ACSS1: variants seen among roughly 807,000 people sequenced by gnomAD.
ACSS1 encodes acetyl-coenzyme A synthetase 2-like, mitochondrial.
A neutral mutation model predicts 75.3 loss-of-function variants in ACSS1; 42 were observed. The observed-to-expected ratio is 0.56, with a 90% CI of 0.44 to 0.72. The LOEUF is 0.72. Among genes scored for constraint, ACSS1 ranks in the 30% least tolerant of loss-of-function variants. The pLI is 0.00. For missense variants in ACSS1, 782 were observed against 935.7 expected, an observed-to-expected ratio of 0.84 and a Z score of 2.14; for synonymous variants, 380 against 376.8, an observed-to-expected ratio of 1.01 and a Z score of -0.10.
intron 2 of ACSS1, among the ~76,000 whole-genome samples, chr20:25,036,489 C>T (rs940947509): frequency 2.2e-5 from 3 of 134,652 alleles, no homozygotes; most frequent in African/African-American, 8.4e-5. Context: ...CAGCTGGAAA[C>T]AGAGTTCAGA....
At chr20:25,016,329 T>A (rs1490846271) in intron 7 of ACSS1, among the ~76,000 whole-genome samples, 1 of 152,220 alleles carries the variant, frequency 6.6e-6, no homozygotes, top group Non-Finnish European at 1.5e-5. Context: ...GTAGCACTTA[T>A]ACACGTAAAC....
chr20:25,023,831 C>T (rs1049043241), intron 3 of ACSS1, among the ~76,000 whole-genome samples, 190 bp from the exon 4 acceptor site: 7 of 152,168 alleles, frequency 4.6e-5, no homozygotes, highest in African/African-American at 1.7e-4. Flanking sequence ...AGCACCAGGC[C>T]TTTGTCCAGT....
At chr20:25,047,438 T>C (rs750861135) in intron 2 of ACSS1, among the ~76,000 whole-genome samples, 4 of 152,214 alleles carry the variant, frequency 2.6e-5, no homozygotes, top group African/African-American at 7.2e-5. Context: ...CACTCTGCCA[T>C]GTGCTTGGGG....
rs1020684724 is a variant in ACSS1 at position 25,057,892 on chromosome 20, C to A, written c.211G>T (p.Ala71Ser). Residue 71 changes from alanine to serine, a missense_variant, in exon 1 of 14, where the codon GCC (alanine) becomes TCC (serine). Ala to Ser is a moderately conservative substitution (Grantham distance 99). Around this residue, in one of 2 missense-constraint regions of ACSS1, gnomAD observed 377 missense variants for 383.1 expected, o/e 0.98. Transcript: ENST00000323482. The stretch of plus-strand genomic sequence containing the variant: ...TCCCGCGCCAGAGGCCCCCAGAAGG[C>A]GGCCGGCTCCCGGGCTGCCTGTGCA... ...LSAQAAREPAAFWGPLARDTL... is the reference protein window; with the variant it reads ...LSAQAAREPASFWGPLARDTL... 5.0e-6 allele frequency: 8 copies of A among 1,612,264 alleles called. No individual in the cohort carries two copies. In the Admixed American group the frequency reaches 5.0e-5, roughly 10 times the overall value.
rs199681286 is a variant in ACSS1, at chr20:25,020,065, G to A, written c.1191C>T (p.Tyr397=). 5.6e-6 allele frequency: 9 copies of A among 1,614,200 alleles called. No homozygotes were observed. The highest frequency in any genetic ancestry group is 1.7e-5 in the Admixed American group (1 of 60,034). Residue 397 remains tyrosine (Y), a synonymous_variant, in exon 7 of 14, where the codon TAC becomes TAT. Coordinates refer to ENST00000323482, the MANE Select transcript of ACSS1 (RefSeq NM_032501.4). ...APTAVRLLLK[Y]GDAWVKKYDR... is the part of the protein sequence containing the mutation. The stretch of plus-strand genomic sequence containing the variant: ...CATACTTCTTCACCCAGGCATCACC[G>A]TATTTCAGCAACAGCCGGACAGCCG...
rs117623294 is a variant in ACSS1 at position 25,016,741 on chromosome 20, G to A, written c.1247-1511C>T. On this transcript the variant is annotated intron_variant, in intron 7 of 13. Transcript: ENST00000323482. ...ACTGCGACAGCCTGCACCCAGCCAC[G>A]GGGCTGTGACCACACAAGCCAGGGT... is the stretch of plus-strand genomic sequence containing the variant. Among the ~76,000 whole-genome samples the A allele has an allele frequency of 4.6e-3, 693 of 152,136 alleles. 22 individuals carry two copies. In the East Asian group the frequency reaches 0.063, roughly 14 times the overall value.
At chr20:25,018,530 A>C (rs1301965314) in intron 7 of ACSS1, among the ~76,000 whole-genome samples, 1 of 152,182 alleles carries the variant, frequency 6.6e-6, no homozygotes, top group Non-Finnish European at 1.5e-5. Context: ...GGTGGGGGGC[A>C]GAGTGAGTTT....
Position 25,030,775 on chromosome 20 carries a change from A to C in ACSS1, c.615T>G (p.Ala205=). Residue 205 remains alanine (A), a synonymous_variant, in exon 3 of 14, where the codon GCT becomes GCG. Transcript: ENST00000323482. Reference sequence around the variant, plus strand: ...CCTCCTCACCATCATTGATCCTCCCAGCCAAGGACTCTGCACTGAAGCCAG... The same window carrying C: ...CCTCCTCACCATCATTGATCCTCCCCGCCAAGGACTCTGCACTGAAGCCAG... ...IFAGFSAESL[A]GRINDAKCKV... is the part of the protein sequence containing the mutation. 1.2e-6 allele frequency: 2 copies of C among 1,614,138 alleles called. No homozygotes were observed. Among genetic ancestry groups the C allele is most frequent in the Non-Finnish European group, 1.7e-6 (2 of 1,179,998 alleles).
At chr20:25,045,085 A>G (rs903719051) in intron 2 of ACSS1, among the ~76,000 whole-genome samples, 1 of 152,228 alleles carries the variant, frequency 6.6e-6, no homozygotes, top group African/African-American at 2.4e-5. Context: ...GTACTCAATA[A>G]ATAGCAGCTA....
rs375361953 is a variant in ACSS1, at chr20:25,021,382, T to C, written c.1108+7A>G. 2.0e-5 allele frequency: 32 copies of C among 1,613,590 alleles called. No individual in the cohort carries two copies. In the African/African-American group the frequency reaches 2.5e-4, roughly 13 times the overall value. ...ATGGGGTCCCAAACAGGGTTCACCATCCTTACCAGCATTGGGATAAACTGG... is the reference window on the plus strand; with the variant it reads ...ATGGGGTCCCAAACAGGGTTCACCACCCTTACCAGCATTGGGATAAACTGG... On this transcript the variant is annotated splice_region_variant and intron_variant, in intron 6 of 13. Coordinates refer to ENST00000323482, the MANE Select transcript of ACSS1 (RefSeq NM_032501.4).
At chr20:25,046,802 A>G in intron 2 of ACSS1, 1 of 779,708 alleles carries the variant, frequency 1.3e-6, no homozygotes, top group Non-Finnish European at 2.4e-6. Flanking sequence ...TCAGTTGTCC[A>G]GTGGGGCCCG....
intron 2 of ACSS1, among the ~76,000 whole-genome samples, chr20:25,043,495 G>T (rs529981594): frequency 6.6e-6 from 1 of 152,194 alleles, no homozygotes; most frequent in African/African-American, 2.4e-5. Flanking sequence ...TCACAGATTC[G>T]CAGTAAAGCC....
Position 25,019,866 on chromosome 20 carries a change from T to C in ACSS1, c.1246+144A>G, listed in dbSNP as rs937563307. The stretch of plus-strand genomic sequence containing the variant: ...TACAGGTGGGAAGAGGTGCTGGTGC[T>C]TTCTACCAGATCCGGTCTGGCATTG... On this transcript the variant is annotated intron_variant, in intron 7 of 13. Transcript: ENST00000323482. The C allele has an allele frequency of 8.5e-5, 105 of 1,241,588 alleles. No homozygotes were observed. The African/African-American group carries it at 1.4e-3, about 17-fold the overall frequency. 76.9% of individuals were successfully genotyped at this position (1,241,588 alleles called of 1,614,324 possible).
At chr20:25,020,173 C>A (rs779171138) in intron 6 of ACSS1, 26 bp from the exon 7 acceptor site, 21 of 1,613,540 alleles carry the variant, frequency 1.3e-5, no homozygotes, top group Non-Finnish European at 1.7e-5. Flanking sequence ...AATTCACTGT[C>A]AGCAGGAGAG....
chr20:25,049,082 C>T (rs2089141513), intron 1 of ACSS1, among the ~76,000 whole-genome samples: 1 of 152,080 alleles, frequency 6.6e-6, no homozygotes, highest in South Asian at 2.1e-4. Context: ...GTAAATTACA[C>T]CTCAAAAAAT....
Position 25,007,176 on chromosome 20 carries a change from A to G in ACSS1, c.*586T>C. 4 of 1,280,092 alleles carry G rather than the reference A, an allele frequency of 3.1e-6. No individual in the cohort carries two copies. The highest frequency in any genetic ancestry group is 4.0e-6 in the Non-Finnish European group (4 of 1,011,272). 79.3% of individuals were successfully genotyped at this position (1,280,092 alleles called of 1,614,324 possible). ...AAACATCTCCAATTCAGACTTCCAA[A>G]TACACTAACAATAATTAAAAATGTG... On this transcript the variant is annotated 3_prime_UTR_variant, in exon 14 of 14. Transcript: ENST00000323482.
intron 2 of ACSS1, among the ~76,000 whole-genome samples, chr20:25,034,398 T>C (rs934842393): frequency 6.6e-6 from 1 of 152,152 alleles, no homozygotes; most frequent in Non-Finnish European, 1.5e-5. Context: ...GAATACTCCT[T>C]GCCCCTCATC....
Position 25,007,573 on chromosome 20 carries a change from C to T in ACSS1, c.*189G>A, listed in dbSNP as rs2088330471. 1.4e-6 allele frequency: 2 copies of T among 1,436,560 alleles called. No individual in the cohort carries two copies. Among genetic ancestry groups the T allele is most frequent in the Admixed American group, 2.8e-5 (1 of 35,290 alleles). 89.0% of individuals were successfully genotyped at this position (1,436,560 alleles called of 1,614,324 possible). On this transcript the variant is annotated 3_prime_UTR_variant, in exon 14 of 14. Coordinates refer to ENST00000323482, the MANE Select transcript of ACSS1 (RefSeq NM_032501.4). ...TCGCATAGCCTCTCCATGGGTGACA[C>T]TCCTGGGACCTCCAATGGATGGGAG... is the stretch of plus-strand genomic sequence containing the variant.
intron 6 of ACSS1, 137 bp from the exon 7 acceptor site, chr20:25,020,284 C>A: frequency 8.2e-7 from 1 of 1,214,012 alleles, no homozygotes; most frequent in Non-Finnish European, 1.1e-6. Context: ...CCCCCCAACC[C>A]CCCACCCCCG....
Sources: gnomAD v4.1 joint callset for allele counts (sites outside exome capture counted in the v4.1 genomes callset) on GRCh38, gnomAD v4.1.1 for gene constraint, gnomAD v4.1.1 regional missense constraint, MANE v1.5 for transcripts, NCBI Gene and HGNC (gene_info 2026-07-23, HGNC 2026-07-21) for gene names.